MAN2A1: variants seen among roughly 807,000 people sequenced by gnomAD.
The protein encoded by MAN2A1 is alpha-mannosidase 2.
MAN2A1 carries 76 observed loss-of-function variants against 142.6 expected under a neutral mutation model. The ratio of observed to expected loss-of-function variants is 0.53; its 90% CI spans 0.44 to 0.65. The LOEUF (loss-of-function observed/expected upper bound fraction) is 0.65. Ranked by LOEUF, MAN2A1 falls within the 30% of genes least tolerant of loss-of-function variation. MAN2A1 has a pLI of 0.00. For synonymous variants in MAN2A1, 559 were observed against 473.2 expected, an observed-to-expected ratio of 1.18 and a Z score of -2.35; for missense variants, 1,311 against 1,365.1, an observed-to-expected ratio of 0.96 and a Z score of 0.62.
intron 19 of MAN2A1, chr5:109,853,744 T>A (rs1399348520): frequency 1.3e-5 from 2 of 152,218 alleles, no homozygotes; most frequent in Non-Finnish European, 2.9e-5. Context: ...ATTTAAAATA[T>A]CTTGTTGAAA....
intron 20 of MAN2A1, among the ~76,000 whole-genome samples, chr5:109,855,791 G>A (rs1232037038): frequency 5.9e-5 from 9 of 152,178 alleles, no homozygotes; most frequent in Admixed American, 6.5e-5. Context: ...GGAAAAGCAT[G>A]GGGAAGTTTT....
intron 12 of MAN2A1, among the ~76,000 whole-genome samples, chr5:109,799,407 C>T (rs894115954): frequency 3.3e-5 from 5 of 152,066 alleles, no homozygotes; most frequent in African/African-American, 1.2e-4. Context: ...TTCTTGGACA[C>T]TCCATTTTTT....
At chr5:109,721,069 C>T (rs969462472) in intron 3 of MAN2A1, among the ~76,000 whole-genome samples, 11 of 150,838 alleles carry the variant, frequency 7.3e-5, no homozygotes, top group Non-Finnish European at 1.0e-4. Flanking sequence ...TTATTTTTTA[C>T]TTTGTGTGAT....
rs746811992 is a variant in MAN2A1, at chr5:109,770,537, A to G, written c.1192A>G (p.Ser398Gly). ...PETIHPGNVQ[S>G]RARMLLDQYR... ...AACAATACATCCTGGAAATGTCCAA[A>G]GCAGGTATGAAAATGCGTATTTCAT... Residue 398 changes from serine (S) to glycine (G), a missense_variant, in exon 7 of 22, where the codon AGC (serine) becomes GGC (glycine). This residue lies in a region of MAN2A1 where 890 missense variants were observed against 920.5 expected (regional missense o/e 0.97). Coordinates refer to ENST00000261483, the MANE Select transcript of MAN2A1 (RefSeq NM_002372.4). 2 of 1,612,798 alleles carry G rather than the reference A, an allele frequency of 1.2e-6. No homozygotes were observed. Among genetic ancestry groups the G allele is most frequent in the East Asian group, 2.2e-5 (1 of 44,842 alleles).
chr5:109,808,499 AT>A (rs1465910863), intron 12 of MAN2A1, among the ~76,000 whole-genome samples: 1 of 152,046 alleles, frequency 6.6e-6, no homozygotes, highest in African/African-American at 2.4e-5. Flanking sequence ...TATTTAAAAA[AT>A]TCTTTATAAA....
At chr5:109,704,709 C>T (rs1053331589) in intron 1 of MAN2A1, among the ~76,000 whole-genome samples, 2 of 152,138 alleles carry the variant, frequency 1.3e-5, no homozygotes, top group East Asian at 1.9e-4. Context: ...GGTTGACTGA[C>T]CAGGGACTGC....
intron 4 of MAN2A1, among the ~76,000 whole-genome samples, chr5:109,730,560 T>TA (rs11420661): frequency 0.56 from 85,110 of 151,418 alleles, 26,316 homozygotes; most frequent in African/African-American, 0.84. Flanking sequence ...AAAAACTGAT[T>TA]AAAAAAAATA....
chr5:109,865,052 C>T lies in MAN2A1; in HGVS notation c.3188C>T (p.Ser1063Phe). 1.2e-6 allele frequency: 2 copies of T among 1,613,874 alleles called. No individual in the cohort carries two copies. Among genetic ancestry groups the T allele is most frequent in the Non-Finnish European group, 8.5e-7 (1 of 1,179,830 alleles). ...CATTTGCAGGTGGGCAATGGGCACT[C>T]CAATGAGGCAGCCTTGATCCTCCAC... ...TIQSKVGNGH[S>F]NEAALILHRK... Residue 1063 changes from serine to phenylalanine, a missense_variant, in exon 21 of 22, where the codon TCC becomes TTC. Ser to Phe is a radical substitution (Grantham distance 155). Transcript: ENST00000261483.
chr5:109,730,295 T>C (rs2112585109), intron 4 of MAN2A1, among the ~76,000 whole-genome samples: 1 of 152,270 alleles, frequency 6.6e-6, no homozygotes, highest in Non-Finnish European at 1.5e-5. Context: ...GACTTGCTTA[T>C]TGTACTTTTT....
At chr5:109,691,123 G>A (rs1561461543) in intron 1 of MAN2A1, among the ~76,000 whole-genome samples, 1 of 152,114 alleles carries the variant, frequency 6.6e-6, no homozygotes, top group Non-Finnish European at 1.5e-5. Context: ...TCATTCTTCA[G>A]CTATTACATC....
Position 109,807,386 on chromosome 5 carries a change from T to TAAA in MAN2A1, c.1944-9883_1944-9881dup, listed in dbSNP as rs1395910719. On this transcript the variant is annotated intron_variant, in intron 12 of 21. Transcript: ENST00000261483. ...AAATTACCAACAAACTTAATTCTAC[T>TAAA]AAAAAATACACACAAATTTATTATC... is the stretch of plus-strand genomic sequence containing the variant. Among the ~76,000 whole-genome samples, 3 of 152,190 alleles carry TAAA rather than the reference T, an allele frequency of 2.0e-5. No homozygotes were observed. The East Asian group carries it at 5.8e-4, about 29-fold the overall frequency.
At chr5:109,777,357 A>T (rs1333287357) in intron 8 of MAN2A1, among the ~76,000 whole-genome samples, 1 of 151,866 alleles carries the variant, frequency 6.6e-6, no homozygotes, top group Non-Finnish European at 1.5e-5. Context: ...TTGCCATTTG[A>T]GTATCCTCTT....
intron 8 of MAN2A1, among the ~76,000 whole-genome samples, chr5:109,777,004 T>G (rs1753311312): frequency 6.6e-6 from 1 of 152,152 alleles, no homozygotes; most frequent in Admixed American, 6.5e-5. Flanking sequence ...GTATTGTTAT[T>G]GGGTATTTGG....
chr5:109,832,796 G>A (rs975841810), intron 16 of MAN2A1, among the ~76,000 whole-genome samples: 5 of 151,856 alleles, frequency 3.3e-5, no homozygotes, highest in African/African-American at 1.2e-4. Flanking sequence ...CCCGGACGGG[G>A]CGGCTGGCTG....
At position 109,729,428 on chromosome 5, in the gene MAN2A1, C is replaced by T. The variant is rs200086589; in HGVS notation, c.622C>T (p.Arg208Trp). ...GGTCCTAAAGCTGAAAGAAGACTCACGGAGGAAGTTTATTTGGTCTGAGAT... is the reference window on the plus strand; with the variant it reads ...GGTCCTAAAGCTGAAAGAAGACTCATGGAGGAAGTTTATTTGGTCTGAGAT... Reference protein sequence around the residue: ...NMVLKLKEDSRRKFIWSEISY... With the variant: ...NMVLKLKEDSWRKFIWSEISY... The change falls in exon 4 of 22, where the codon CGG becomes TGG. Residue 208 changes from arginine to tryptophan, a missense_variant. By Grantham distance (101) the Arg-to-Trp change is moderately radical. This residue lies in a region of MAN2A1 where 409 missense variants were observed against 412.7 expected (regional missense o/e 0.99). Coordinates refer to ENST00000261483, the MANE Select transcript of MAN2A1 (RefSeq NM_002372.4). The T allele has an allele frequency of 1.8e-5, 29 of 1,600,340 alleles. No individual in the cohort carries two copies. Among genetic ancestry groups the T allele is most frequent in the African/African-American group, 1.1e-4 (8 of 74,396 alleles).
chr5:109,720,673 CTAAAAAA>C (rs970737381), intron 3 of MAN2A1, among the ~76,000 whole-genome samples: 5 of 152,028 alleles, frequency 3.3e-5, no homozygotes, highest in Non-Finnish European at 7.4e-5. Context: ...AGGTGATGAG[CTAAAAAA>C]TAAAATCGCA....
intron 4 of MAN2A1, among the ~76,000 whole-genome samples, chr5:109,747,899 A>G (rs975440929): frequency 2.0e-5 from 3 of 152,168 alleles, no homozygotes; most frequent in Non-Finnish European, 2.9e-5. Context: ...ACAGATTTCT[A>G]GTTTCCTCAC....
Position 109,781,506 on chromosome 5 carries a change from T to A in MAN2A1, c.1485T>A (p.Thr495=). 6.2e-7 allele frequency: 1 copy of A among 1,613,458 alleles called. No homozygotes were observed. Among genetic ancestry groups the A allele is most frequent in the Non-Finnish European group, 8.5e-7 (1 of 1,179,746 alleles). Reference sequence around the variant, plus strand: ...CTGTTTTAAGTGGAGATTTTTTCACTTATGCCGATCGAGATGATCATTACT... The same window carrying A: ...CTGTTTTAAGTGGAGATTTTTTCACATATGCCGATCGAGATGATCATTACT... ...MFPVLSGDFF[T]YADRDDHYWS... Residue 495 remains threonine (T), a synonymous_variant, in exon 9 of 22, where the codon ACT becomes ACA. Transcript: ENST00000261483.
rs9326782 is a variant in MAN2A1, at chr5:109,779,584, A to C, written c.1375-1812A>C. Among the ~76,000 whole-genome samples, 371 of 50,456 alleles carry C rather than the reference A, an allele frequency of 7.4e-3. 2 individuals carry two copies. The East Asian group carries it at 0.078, about 11-fold the overall frequency. 33.1% of individuals were successfully genotyped at this position (50,456 alleles called of 152,430 possible). A position where few individuals can be genotyped will look rare whatever the true frequency, so the allele number is the denominator to read the frequency against. ...ACGCGTGCACACACACACACACACA[A>C]ACACACACAGTCTTCTTCCTAGTAA... On this transcript the variant is annotated intron_variant, in intron 8 of 21. Transcript: ENST00000261483.
Sources: gnomAD v4.1 joint callset for allele counts (sites outside exome capture counted in the v4.1 genomes callset) on GRCh38, gnomAD v4.1.1 for gene constraint, gnomAD v4.1.1 regional missense constraint, MANE v1.5 for transcripts, NCBI Gene and HGNC (gene_info 2026-07-23, HGNC 2026-07-21) for gene names.